USP46: variants seen among roughly 807,000 people sequenced by gnomAD.
USP46 encodes the protein ubiquitin carboxyl-terminal hydrolase 46.
USP46 carries 12 observed loss-of-function variants against 44.4 expected under a neutral mutation model. The ratio of observed to expected loss-of-function variants is 0.27; its 90% CI spans 0.17 to 0.44. The LOEUF is 0.44. Among genes scored for constraint, USP46 ranks in the 20% least tolerant of loss-of-function variants. The pLI, the probability that USP46 is intolerant of heterozygous loss-of-function variation, is 1.00. For missense variants in USP46, 248 were observed against 444.8 expected (o/e 0.56, Z 3.98); for synonymous variants, 155 against 161.5 (o/e 0.96, Z 0.31).
intron 5 of USP46, among the ~76,000 whole-genome samples, chr4:52,606,015 C>T (rs561692516): frequency 2.6e-4 from 39 of 152,326 alleles, no homozygotes; most frequent in African/African-American, 8.2e-4. Context: ...ATCACATTGC[C>T]GTCTTATTTC....
At chr4:52,624,583 T>G (rs17675844) in intron 4 of USP46, among the ~76,000 whole-genome samples, 3,519 of 152,288 alleles carry the variant, frequency 0.023, 76 homozygotes, top group Admixed American at 0.051. Context: ...TAAAAACTTC[T>G]CCCTTTACAT....
intron 1 of USP46, among the ~76,000 whole-genome samples, chr4:52,640,787 T>C (rs986446433): frequency 8.5e-6 from 1 of 118,096 alleles, no homozygotes; most frequent in African/African-American, 3.3e-5. Flanking sequence ...GCCTAAGCAA[T>C]AAGAGCAAAA....
chr4:52,659,236 C>G lies in USP46; in HGVS notation c.-86G>C, dbSNP rs1271951395. ...CATGGTGGCGCGCTGGCGGGGAGGC[C>G]GGGCGGCAGCGCGGCGGCCTGGGGT... On this transcript the variant is annotated 5_prime_UTR_variant, in exon 1 of 9. Transcript: ENST00000441222. This position sits in a 1 kb window ranked among gnomAD's most constrained non-coding sequence, Gnocchi z 4.2. 3.1e-5 allele frequency: 38 copies of G among 1,230,616 alleles called. No individual in the cohort carries two copies. The highest frequency in any genetic ancestry group is 3.9e-5 in the Non-Finnish European group (37 of 952,592). The allele number at this position is 1,230,616 out of a possible 1,614,324, so 76.2% of individuals were successfully genotyped here.
rs1476318747 is a variant in USP46, at chr4:52,593,036, C to T, written c.*4604G>A. ...CTCTTTTCTTCAGAAATGACCCACG[C>T]TCAGGTATGTCTTTATAGCACTGCC... On this transcript the variant is annotated 3_prime_UTR_variant, in exon 9 of 9. Coordinates refer to ENST00000441222, the MANE Select transcript of USP46 (RefSeq NM_022832.4). 2 of 397,938 alleles carry T rather than the reference C, an allele frequency of 5.0e-6. No individual in the cohort carries two copies. The highest frequency in any genetic ancestry group is 2.1e-5 in the African/African-American group (1 of 48,566). The allele number at this position is 397,938 out of a possible 1,614,324, so 24.7% of individuals were successfully genotyped here.
Position 52,593,378 on chromosome 4 carries a change from G to T in USP46, c.*4262C>A, listed in dbSNP as rs1322194533. ...AACAGTCTCTGTTCCAGCTCAGTCA[G>T]GTTCAACTGCACTGCCCCGAGAAGA... is the stretch of plus-strand genomic sequence containing the variant. On this transcript the variant is annotated 3_prime_UTR_variant, in exon 9 of 9. Transcript: ENST00000441222. The T allele has an allele frequency of 3.2e-5, 5 of 155,374 alleles. No homozygotes were observed. Among genetic ancestry groups the T allele is most frequent in the African/African-American group, 1.2e-4 (5 of 41,630 alleles). 9.6% of individuals were successfully genotyped at this position (155,374 alleles called of 1,614,324 possible).
At chr4:52,627,920 C>T (rs752027921) in intron 3 of USP46, 30 bp downstream of exon 3, 45 of 1,590,460 alleles carry the variant, frequency 2.8e-5, no homozygotes, top group Non-Finnish European at 3.6e-5. Context: ...ATTTCAGAGG[C>T]TTAAATACAT....
chr4:52,629,160 TC>T (rs1266409328), intron 2 of USP46, among the ~76,000 whole-genome samples: 6 of 152,376 alleles, frequency 3.9e-5, no homozygotes, highest in African/African-American at 1.4e-4. Context: ...GGCTTGTGTG[TC>T]GTTTACCCAA....
In USP46 at chr4:52,592,916, T is replaced by C; in HGVS notation, c.*4724A>G. On this transcript the variant is annotated 3_prime_UTR_variant, in exon 9 of 9. Transcript: ENST00000441222. ...CTTGCTCCTGCCATGTAAGATGGGC[T>C]TGCTTTCCCTTTGCCTTCTGCTGAT... The C allele has an allele frequency of 2.5e-6, 1 of 398,558 alleles. No homozygotes were observed. The highest frequency in any genetic ancestry group is 3.6e-5 in the East Asian group (1 of 28,068). 24.7% of individuals were successfully genotyped at this position (398,558 alleles called of 1,614,324 possible). A position where few individuals can be genotyped will look rare whatever the true frequency, so the allele number is the denominator to read the frequency against.
chr4:52,613,580 G>T (rs1717014007), intron 4 of USP46, among the ~76,000 whole-genome samples: 1 of 151,976 alleles, frequency 6.6e-6, no homozygotes, highest in Non-Finnish European at 1.5e-5. Context: ...AAATTAGCTG[G>T]GTGCGGTGGC....
At chr4:52,614,454 T>C (rs974579104) in intron 4 of USP46, among the ~76,000 whole-genome samples, 7 of 152,296 alleles carry the variant, frequency 4.6e-5, no homozygotes, top group Non-Finnish European at 1.0e-4. Context: ...GATGATCCAA[T>C]TGGCAGCTGA....
intron 1 of USP46, among the ~76,000 whole-genome samples, chr4:52,637,013 T>C (rs559259492): frequency 6.6e-6 from 1 of 152,038 alleles, no homozygotes; most frequent in South Asian, 2.1e-4. Flanking sequence ...GTTTTCCATG[T>C]TGCTCAGGCT....
intron 1 of USP46, among the ~76,000 whole-genome samples, chr4:52,654,170 C>A (rs550793902): frequency 3.3e-5 from 5 of 152,254 alleles, no homozygotes; most frequent in African/African-American, 1.2e-4. Flanking sequence ...AACAGAATTT[C>A]TTTTCTTTAA....
chr4:52,645,162 T>G (rs1718501573), intron 1 of USP46, among the ~76,000 whole-genome samples: 1 of 151,126 alleles, frequency 6.6e-6, no homozygotes, highest in Non-Finnish European at 1.5e-5. Context: ...GAGGCAGAAG[T>G]TGCAGTGAGC....
In USP46 at chr4:52,648,690, T is replaced by A. The variant is rs1250491532; in HGVS notation, c.36+10425A>T. On this transcript the variant is annotated intron_variant, in intron 1 of 8. Coordinates refer to ENST00000441222, the MANE Select transcript of USP46 (RefSeq NM_022832.4). ...TGCATTCGTTCTGAATGTTATTTTT[T>A]ATTTATTTATTTGTATTTGCCTTCT... is the stretch of plus-strand genomic sequence containing the variant. Among the ~76,000 whole-genome samples, 4 of 152,190 alleles carry A rather than the reference T, an allele frequency of 2.6e-5. No individual in the cohort carries two copies. In the East Asian group the frequency reaches 5.8e-4, roughly 22 times the overall value.
chr4:52,627,940 T>A lies in USP46; in HGVS notation c.331+10A>T. ...AGAGGCTTAAATACATTATACTGCA[T>A]ACTACTCACCATTCTCTTTTCTCAG... On this transcript the variant is annotated intron_variant, in intron 3 of 8. Transcript: ENST00000441222. The A allele has an allele frequency of 6.2e-7, 1 of 1,609,524 alleles. No individual in the cohort carries two copies. Among genetic ancestry groups the A allele is most frequent in the Non-Finnish European group, 8.5e-7 (1 of 1,177,636 alleles).
rs191927297 is a variant in USP46 at position 52,647,948 on chromosome 4, A to G, written c.36+11167T>C. On this transcript the variant is annotated intron_variant, in intron 1 of 8. Transcript: ENST00000441222. ...TTTGGTGGACTCTTTCACTAATGGA[A>G]ATAAGAAGGGCACTGGAAGAAAGTG... 2.9e-3 allele frequency among the ~76,000 whole-genome samples: 446 copies of G among 152,300 alleles called. 2 individuals are homozygous for G. Among genetic ancestry groups the G allele is most frequent in the Admixed American group, 4.7e-3 (72 of 15,304 alleles).
At chr4:52,615,436 C>T (rs1162278900) in intron 4 of USP46, among the ~76,000 whole-genome samples, 7 of 152,136 alleles carry the variant, frequency 4.6e-5, no homozygotes, top group Middle Eastern at 3.4e-3. Flanking sequence ...TAAAAGAGGA[C>T]ATTTCCTAAT....
intron 4 of USP46, among the ~76,000 whole-genome samples, chr4:52,616,974 A>G (rs1331442662): frequency 3.3e-5 from 5 of 152,216 alleles, no homozygotes; most frequent in African/African-American, 9.7e-5. Flanking sequence ...CAGCTAAACC[A>G]ATGCTTAAAG....
chr4:52,628,806 T>G (rs1717699543), intron 2 of USP46, among the ~76,000 whole-genome samples: 1 of 152,242 alleles, frequency 6.6e-6, no homozygotes, highest in African/African-American at 2.4e-5. Flanking sequence ...TAAATGGCCC[T>G]TGATCTTGCT....
Sources: allele counts gnomAD v4.1 joint callset (sites outside exome capture counted in the v4.1 genomes callset), GRCh38; gene constraint gnomAD v4.1.1; non-coding constraint Gnocchi (gnomAD v3.1); transcripts MANE v1.5; gene names NCBI Gene and HGNC (gene_info 2026-07-23, HGNC 2026-07-21).